Variants in ZNG1A observed in about 807,000 individuals in gnomAD.
The protein encoded by ZNG1A is Zn regulated GTPase metalloprotein activator 1A.
chr9:152,758 A>C, the ZNG1A span, among the ~76,000 whole-genome samples: 11 of 147,664 alleles, frequency 7.4e-5, no homozygotes, highest in African/African-American at 2.5e-4. Flanking sequence ...ATCATCAATC[A>C]TCAATTCTCT....
chr9:168,736 A>G, the ZNG1A span, among the ~76,000 whole-genome samples: 1 of 147,462 alleles, frequency 6.8e-6, no homozygotes, highest in East Asian at 1.9e-4. Flanking sequence ...ACTATCCTAA[A>G]AATTCTAGGG....
chr9:129,842 T>C, the ZNG1A span, among the ~76,000 whole-genome samples: 1 of 138,382 alleles, frequency 7.2e-6, no homozygotes, highest in Non-Finnish European at 1.6e-5. Flanking sequence ...ATAAAAAATA[T>C]ACAGTCATGG....
the ZNG1A span, chr9:163,839 C>G: frequency 3.6e-6 from 4 of 1,099,824 alleles, no homozygotes; most frequent in Non-Finnish European, 5.2e-6. Context: ...ATCACTTGAA[C>G]CCAGGAGGTA....
At chr9:126,974 T>C in the ZNG1A span, among the ~76,000 whole-genome samples, 3 of 152,170 alleles carry the variant, frequency 2.0e-5, no homozygotes, top group Admixed American at 1.3e-4. Flanking sequence ...TTATTCCATG[T>C]ATCGGCATGG....
At chr9:174,302 T>C in the ZNG1A span, among the ~76,000 whole-genome samples, 5 of 152,122 alleles carry the variant, frequency 3.3e-5, no homozygotes, top group South Asian at 1.0e-3. Flanking sequence ...TACCAAACAG[T>C]GAAGTTCTAA....
chr9:177,628 G>C, the ZNG1A span: 1 of 1,501,566 alleles, frequency 6.7e-7, no homozygotes, highest in Non-Finnish European at 9.0e-7. Flanking sequence ...TCAGGGATAG[G>C]AGTGAAACTA....
At chr9:131,247 G>A in the ZNG1A span, among the ~76,000 whole-genome samples, 1 of 137,654 alleles carries the variant, frequency 7.3e-6, no homozygotes, top group African/African-American at 2.9e-5. Flanking sequence ...GACACAGAAA[G>A]AAACAGAAAA....
chr9:121,610 G>C, the ZNG1A span: 1 of 1,579,566 alleles, frequency 6.3e-7, no homozygotes, highest in Non-Finnish European at 8.6e-7. Context: ...ATTACATTAT[G>C]CTTATTAAAA....
the ZNG1A span, chr9:171,741 C>T: frequency 3.3e-6 from 1 of 301,644 alleles, no homozygotes; most frequent in Non-Finnish European, 6.3e-6. Context: ...GGAACTAATA[C>T]CCCATGGATG....
At chr9:178,682 G>A in the ZNG1A span, 1 of 964,740 alleles carries the variant, frequency 1.0e-6, no homozygotes, top group Non-Finnish European at 1.5e-6. Context: ...AGAAGCAAGT[G>A]ACCCAGCCCC....
At chr9:176,669 A>ATT in the ZNG1A span, among the ~76,000 whole-genome samples, 1 of 152,114 alleles carries the variant, frequency 6.6e-6, no homozygotes, top group African/African-American at 2.4e-5. Flanking sequence ...GAAGTATAGA[A>ATT]TGGAAGAGAG....
At chr9:136,105 A>C in the ZNG1A span, among the ~76,000 whole-genome samples, 2 of 82,726 alleles carry the variant, frequency 2.4e-5, 1 homozygote, top group African/African-American at 7.0e-5. Flanking sequence ...CGCAGCAAAA[A>C]AAAAAAAAAA....
the ZNG1A span, chr9:154,918 A>T: frequency 8.1e-6 from 8 of 989,866 alleles, no homozygotes; most frequent in Non-Finnish European, 8.8e-6. Context: ...GTAGATCAAT[A>T]TATCAGTTAA....
At chr9:141,409 T>C in the ZNG1A span, among the ~76,000 whole-genome samples, 9 of 149,786 alleles carry the variant, frequency 6.0e-5, no homozygotes, top group African/African-American at 2.2e-4. Context: ...AGAAAAGAAT[T>C]TTCGACCCAG....
At chr9:174,125 C>A in the ZNG1A span, among the ~76,000 whole-genome samples, 4,709 of 140,350 alleles carry the variant, frequency 0.034, 243 homozygotes, top group African/African-American at 0.12. Context: ...CCAGCCTGGG[C>A]AACACAGCGA....
At chr9:122,994 ACAGGTTTGTTCTAGCTG>A in the ZNG1A span, 1 of 1,346,176 alleles carries the variant, frequency 7.4e-7, no homozygotes, top group Non-Finnish European at 9.7e-7. Context: ...TTCAAAGCAC[ACAGGTTTGTTCTAGCTG>A]CAACCCTAAA....
At chr9:148,071 T>C in the ZNG1A span, 2 of 140,496 alleles carry the variant, frequency 1.4e-5, no homozygotes, top group African/African-American at 2.7e-5. Flanking sequence ...TAAATAAAAA[T>C]AAAAATAAAA....
chr9:138,784 G>C, the ZNG1A span, among the ~76,000 whole-genome samples: 1 of 148,858 alleles, frequency 6.7e-6, no homozygotes, highest in Non-Finnish European at 1.5e-5. Flanking sequence ...CATGCCTGTG[G>C]TCCCAGCTTC....
the ZNG1A span, among the ~76,000 whole-genome samples, chr9:140,068 C>T: frequency 1.6e-4 from 24 of 150,822 alleles, 1 homozygote; most frequent in South Asian, 3.4e-3. Flanking sequence ...AACTGCAAGG[C>T]GGCAGCGAGG....
Sources: allele counts gnomAD v4.1 joint callset (sites outside exome capture counted in the v4.1 genomes callset), GRCh38; gene constraint gnomAD v4.1.1; transcripts MANE v1.5; gene names NCBI Gene and HGNC (gene_info 2026-07-23, HGNC 2026-07-21).